ATG10: variants seen among roughly 807,000 people sequenced by gnomAD.
The protein encoded by ATG10 is ubiquitin-like-conjugating enzyme ATG10.
In ATG10, 30 loss-of-function variants were observed where a neutral mutation model predicts 32.1. The ratio of observed to expected loss-of-function variants is 0.94; its 90% CI spans 0.70 to 1.27. ATG10 has a LOEUF of 1.27. Among genes scored for constraint, ATG10 ranks in the 50% most tolerant of loss-of-function variants. The pLI, the probability that ATG10 is intolerant of heterozygous loss-of-function variation, is 0.00. For missense variants in ATG10, 233 were observed against 262.3 expected (o/e 0.89, Z 0.77); for synonymous variants, 87 against 91.5 (o/e 0.95, Z 0.28).
intron 3 of ATG10, among the ~76,000 whole-genome samples, chr5:82,141,623 A>C (rs1183226956): frequency 6.6e-6 from 1 of 152,162 alleles, no homozygotes; most frequent in East Asian, 1.9e-4. Context: ...ATGCCCAGAG[A>C]TGCCAACAAA....
intron 2 of ATG10, among the ~76,000 whole-genome samples, chr5:82,051,920 A>G (rs1327590688): frequency 6.6e-6 from 1 of 152,158 alleles, no homozygotes; most frequent in East Asian, 1.9e-4. Context: ...AAGGTTAATC[A>G]GTTTTGAACA....
At chr5:82,205,742 A>C (rs1359518152) in intron 5 of ATG10, among the ~76,000 whole-genome samples, 2 of 152,256 alleles carry the variant, frequency 1.3e-5, no homozygotes, top group South Asian at 2.1e-4. Context: ...GAAATATATT[A>C]GGACAAACAG....
At chr5:82,025,344 G>C (rs1762563030) in intron 2 of ATG10, among the ~76,000 whole-genome samples, 1 of 152,168 alleles carries the variant, frequency 6.6e-6, no homozygotes, top group Non-Finnish European at 1.5e-5. Context: ...TGTTAAGGCT[G>C]CTTATGATGC....
intron 1 of ATG10, among the ~76,000 whole-genome samples, chr5:81,981,213 T>C (rs1761039459): frequency 6.6e-6 from 1 of 152,224 alleles, no homozygotes; most frequent in Non-Finnish European, 1.5e-5. Context: ...GTCAAAGTGA[T>C]TCATCTTTTG....
At chr5:82,171,746 T>C (rs1743817360) in intron 4 of ATG10, among the ~76,000 whole-genome samples, 1 of 152,232 alleles carries the variant, frequency 6.6e-6, no homozygotes, top group South Asian at 2.1e-4. Flanking sequence ...ATTTAATCAA[T>C]TAATTTTATT....
At chr5:82,129,409 G>T (rs1363555536) in intron 3 of ATG10, among the ~76,000 whole-genome samples, 1 of 151,902 alleles carries the variant, frequency 6.6e-6, no homozygotes, top group South Asian at 2.1e-4. Context: ...TGATTTTTTG[G>T]AGGAGAAGAG....
chr5:82,105,772 C>T (rs72776872), intron 3 of ATG10, among the ~76,000 whole-genome samples: 4,037 of 152,222 alleles, frequency 0.027, 77 homozygotes, highest in Middle Eastern at 0.044. Context: ...TTGTCAGTTG[C>T]AGAGGCTAAC....
At chr5:82,196,305 T>G (rs1335541078) in intron 5 of ATG10, among the ~76,000 whole-genome samples, 1 of 152,200 alleles carries the variant, frequency 6.6e-6, no homozygotes, top group Admixed American at 6.5e-5. Context: ...CTATATGATT[T>G]GCAAATTTTC....
chr5:82,213,856 A>G (rs1276987494), intron 5 of ATG10, among the ~76,000 whole-genome samples: 1 of 152,162 alleles, frequency 6.6e-6, no homozygotes, highest in Non-Finnish European at 1.5e-5. Context: ...TCTGACTCCT[A>G]TCTTTCTCTG....
rs1166784267 is a variant in ATG10, at chr5:82,037,234, C to CTTTTTTTT, written c.109-21237_109-21230dup. On this transcript the variant is annotated intron_variant, in intron 2 of 7. Coordinates refer to ENST00000282185, the MANE Select transcript of ATG10 (RefSeq NM_031482.5). Reference sequence around the variant, plus strand: ...ACTTTTTGTAATAAGATCTCATTTACTTTTTTTTTTTTTTTTTTTTTTTTT... The same window carrying CTTTTTTTT: ...ACTTTTTGTAATAAGATCTCATTTACTTTTTTTTTTTTTTTTTTTTTTTTTTTTTTTTT... Among the ~76,000 whole-genome samples the CTTTTTTTT allele has an allele frequency of 7.5e-3, 277 of 36,962 alleles. 106 individuals are homozygous for CTTTTTTTT. The highest frequency in any genetic ancestry group is 0.014 in the East Asian group (14 of 1,034). 24.2% of individuals were successfully genotyped at this position (36,962 alleles called of 152,430 possible). A position where few individuals can be genotyped will look rare whatever the true frequency, so the allele number is the denominator to read the frequency against.
chr5:82,012,665 GT>G (rs951242436), intron 2 of ATG10, among the ~76,000 whole-genome samples: 1 of 150,464 alleles, frequency 6.6e-6, no homozygotes, highest in East Asian at 1.9e-4. Context: ...TGTTTTTACT[GT>G]TTTTTTTTGA....
chr5:82,020,604 C>T (rs767135928), intron 2 of ATG10, among the ~76,000 whole-genome samples: 1 of 152,178 alleles, frequency 6.6e-6, no homozygotes, highest in Non-Finnish European at 1.5e-5. Flanking sequence ...TATGCATGTG[C>T]TGTCAACTGA....
chr5:81,975,353 A>G (rs1470059088), intron 1 of ATG10, among the ~76,000 whole-genome samples: 1 of 152,220 alleles, frequency 6.6e-6, no homozygotes, highest in African/African-American at 2.4e-5. Context: ...CAAACTATTG[A>G]AGGCAAAGAC....
At chr5:82,040,612 T>TA (rs1186297904) in intron 2 of ATG10, among the ~76,000 whole-genome samples, 2 of 152,244 alleles carry the variant, frequency 1.3e-5, no homozygotes, top group East Asian at 3.8e-4. Flanking sequence ...TAGTATGACT[T>TA]AAACAATTCC....
intron 3 of ATG10, among the ~76,000 whole-genome samples, chr5:82,075,491 G>A (rs943463272): frequency 2.0e-5 from 3 of 152,158 alleles, no homozygotes; most frequent in African/African-American, 7.2e-5. Context: ...TATATTGTAT[G>A]TTTAGCTAAT....
chr5:82,081,181 A>G (rs1764466875), intron 3 of ATG10, among the ~76,000 whole-genome samples: 1 of 152,204 alleles, frequency 6.6e-6, no homozygotes, highest in South Asian at 2.1e-4. Context: ...GTGTATAAGA[A>G]TGCTTGTGAT....
At chr5:82,103,904 T>G (rs1368199343) in intron 3 of ATG10, among the ~76,000 whole-genome samples, 1 of 152,178 alleles carries the variant, frequency 6.6e-6, no homozygotes, top group East Asian at 1.9e-4. Context: ...GATTGACTTG[T>G]TACACTACAA....
At chr5:82,107,880 C>A (rs186346352) in intron 3 of ATG10, among the ~76,000 whole-genome samples, 1 of 152,100 alleles carries the variant, frequency 6.6e-6, no homozygotes. Context: ...GAGAAGGTGA[C>A]ATTTGAATTG....
At chr5:82,077,443 A>G (rs1764313719) in intron 3 of ATG10, among the ~76,000 whole-genome samples, 1 of 152,248 alleles carries the variant, frequency 6.6e-6, no homozygotes, top group Non-Finnish European at 1.5e-5. Context: ...GAGAGAAACT[A>G]GCATTTGTAA....
Sources: gnomAD v4.1 joint callset for allele counts (sites outside exome capture counted in the v4.1 genomes callset) on GRCh38, gnomAD v4.1.1 for gene constraint, MANE v1.5 for transcripts, NCBI Gene and HGNC (gene_info 2026-07-23, HGNC 2026-07-21) for gene names.